The following LHX5 variants were observed in gnomAD, a reference collection of about 807,000 sequenced individuals.
LHX5 encodes the protein LIM homeobox 5.
A neutral mutation model predicts 30.6 loss-of-function variants in LHX5; 5 were observed. The observed-to-expected ratio is 0.16, with a 90% CI of 0.09 to 0.34. LHX5 has a LOEUF of 0.34. LHX5 is among the 10% of genes least tolerant of loss of function. The pLI, the probability that LHX5 is intolerant of heterozygous loss-of-function variation, is 1.00. For missense variants in LHX5, 458 were observed against 570.6 expected (o/e 0.80, Z 2.01); for synonymous variants, 266 against 252.6 (o/e 1.05, Z -0.50).
At chr12:113,468,488 C>G in intron 2 of LHX5, 84 bp from the exon 3 acceptor site, 1 of 1,453,924 alleles carries the variant, frequency 6.9e-7, no homozygotes, top group Middle Eastern at 2.1e-4. Flanking sequence ...TTCCCGCCGG[C>G]CCAAGCTACG....
chr12:113,470,695 CA>C (rs1191635119), intron 1 of LHX5, among the ~76,000 whole-genome samples: 1 of 152,218 alleles, frequency 6.6e-6, no homozygotes, highest in Non-Finnish European at 1.5e-5. Flanking sequence ...ACAGGGCCCA[CA>C]GGGGTAGGGG....
rs1474300661 is a variant in LHX5 at position 113,463,472 on chromosome 12, G to A, written c.927C>T (p.Asp309=). The A allele has an allele frequency of 1.9e-6, 3 of 1,565,470 alleles. No individual in the cohort carries two copies. The highest frequency in any genetic ancestry group is 2.6e-6 in the Non-Finnish European group (3 of 1,161,610). ...GPPSQAQSPA[D]SSFLAASGPG... ...GGCCAGAGGCCGCCAGGAAGCTGGA[G>A]TCGGCCGGGGACTGCGCCTGCGAAG... Residue 309 remains aspartate, a synonymous_variant, in exon 5 of 5, where the codon GAC becomes GAT. Coordinates refer to ENST00000261731, the MANE Select transcript of LHX5 (RefSeq NM_022363.3). This position sits in a 1 kb window ranked among gnomAD's most constrained non-coding sequence, Gnocchi z 6.7.
chr12:113,468,900 G>T (rs1195601770), intron 2 of LHX5, among the ~76,000 whole-genome samples: 2 of 152,222 alleles, frequency 1.3e-5, no homozygotes, highest in East Asian at 3.8e-4. Context: ...TTGGAGGAGG[G>T]TGAGGCAGAG....
rs1958231254 is a variant in LHX5 at position 113,469,105 on chromosome 12, G to T, written c.397+17C>A. 1.3e-6 allele frequency: 2 copies of T among 1,593,834 alleles called. No individual in the cohort carries two copies. The highest frequency in any genetic ancestry group is 1.1e-5 in the South Asian group (1 of 88,916). ...GGTGCTAAGGCCTAAGGCTAGTGAG[G>T]GGCCCAGGCTTCCTACCTGAGTTGA... On this transcript the variant is annotated intron_variant, in intron 2 of 4. Transcript: ENST00000261731.
At position 113,465,645 on chromosome 12, in the gene LHX5, G is replaced by A. The variant is rs957021037; in HGVS notation, c.841+1611C>T. On this transcript the variant is annotated intron_variant, in intron 4 of 4. Coordinates refer to ENST00000261731, the MANE Select transcript of LHX5 (RefSeq NM_022363.3). This position sits in a 1 kb window ranked among gnomAD's most constrained non-coding sequence, Gnocchi z 6.7. ...ATCCAGCGCGCAGGGAGAGGAGGCG[G>A]TGGGATAGGTCGGGGCGGGGGCGAA... is the stretch of plus-strand genomic sequence containing the variant. 4.6e-5 allele frequency among the ~76,000 whole-genome samples: 7 copies of A among 152,246 alleles called. No individual in the cohort carries two copies. Among genetic ancestry groups the A allele is most frequent in the Non-Finnish European group, 8.8e-5 (6 of 68,032 alleles).
Position 113,466,731 on chromosome 12 carries a change from C to G in LHX5, c.841+525G>C, listed in dbSNP as rs35998683. ...TGGAATGAATCCAGACCCCCATCCC[C>G]TCCCCTCACACTACCCTCCAGCGCT... On this transcript the variant is annotated intron_variant, in intron 4 of 4. Coordinates refer to ENST00000261731, the MANE Select transcript of LHX5 (RefSeq NM_022363.3). This position sits in a 1 kb window ranked among gnomAD's most constrained non-coding sequence, Gnocchi z 6.5. Among the ~76,000 whole-genome samples the G allele has an allele frequency of 0.02, 3,074 of 152,312 alleles. 38 individuals carry two copies. Among genetic ancestry groups the G allele is most frequent in the South Asian group, 0.046 (222 of 4,828 alleles).
chr12:113,463,153 C>G lies in LHX5; in HGVS notation c.*37G>C. On this transcript the variant is annotated 3_prime_UTR_variant, in exon 5 of 5. Transcript: ENST00000261731. The surrounding 1 kb of genome is among the most constrained non-coding windows in gnomAD (Gnocchi z 6.7). ...TTCAGGAGGCTGCTTCGGGGCGGGG[C>G]CCCCGGGGGCCGAGCGCGGGGGGCG... 2 of 1,450,810 alleles carry G rather than the reference C, an allele frequency of 1.4e-6. No homozygotes were observed. The highest frequency in any genetic ancestry group is 1.8e-6 in the Non-Finnish European group (2 of 1,111,116). The allele number at this position is 1,450,810 out of a possible 1,614,324, so 89.9% of individuals were successfully genotyped here.
At chr12:113,470,582 C>T (rs1028550342) in intron 1 of LHX5, among the ~76,000 whole-genome samples, 1 of 152,214 alleles carries the variant, frequency 6.6e-6, no homozygotes, top group South Asian at 2.1e-4. Context: ...AAAGCCGGCT[C>T]TGGGTGCCCA....
rs750682329 is a variant in LHX5 at position 113,467,468 on chromosome 12, T to TC, written c.676-48dup. 1.4e-5 allele frequency: 19 copies of TC among 1,387,804 alleles called. No individual in the cohort carries two copies. The highest frequency in any genetic ancestry group is 5.9e-5 in the African/African-American group (4 of 67,838). The allele number at this position is 1,387,804 out of a possible 1,614,324, so 86.0% of individuals were successfully genotyped here. A position where few individuals can be genotyped will look rare whatever the true frequency, so the allele number is the denominator to read the frequency against. On this transcript the variant is annotated intron_variant, in intron 3 of 4. Transcript: ENST00000261731. This position sits in a 1 kb window ranked among gnomAD's most constrained non-coding sequence, Gnocchi z 6.3. Reference sequence around the variant, plus strand: ...TGAACCCAGGATCAGGAGTGTCCTCTCCCCCCCTCTTCTCCCTTCCCTGAC... The same window carrying TC: ...TGAACCCAGGATCAGGAGTGTCCTCTCCCCCCCCTCTTCTCCCTTCCCTGAC...
rs551796792 is a variant in LHX5 at position 113,463,654 on chromosome 12, G to A, written c.842-97C>T. 26 of 1,315,104 alleles carry A rather than the reference G, an allele frequency of 2.0e-5. No individual in the cohort carries two copies. The African/African-American group carries it at 3.6e-4, about 18-fold the overall frequency. 81.5% of individuals were successfully genotyped at this position (1,315,104 alleles called of 1,614,324 possible). A position where few individuals can be genotyped will look rare whatever the true frequency, so the allele number is the denominator to read the frequency against. ...GGGGAGGGGACCCGGGCGGGCGAGA[G>A]AGGGGAGCGCGCGACACCGACCCAA... On this transcript the variant is annotated intron_variant, in intron 4 of 4. Coordinates refer to ENST00000261731, the MANE Select transcript of LHX5 (RefSeq NM_022363.3). The surrounding 1 kb of genome is among the most constrained non-coding windows in gnomAD (Gnocchi z 6.7).
In LHX5 at chr12:113,466,403, G is replaced by A. The variant is rs966060624; in HGVS notation, c.841+853C>T. ...TCCAGTGTGAGGGAAGTGAGAGGAG[G>A]AAAAGCTGAGGTGGCAAGGGGACAG... On this transcript the variant is annotated intron_variant, in intron 4 of 4. Coordinates refer to ENST00000261731, the MANE Select transcript of LHX5 (RefSeq NM_022363.3). This position sits in a 1 kb window ranked among gnomAD's most constrained non-coding sequence, Gnocchi z 6.5. Among the ~76,000 whole-genome samples the A allele has an allele frequency of 6.6e-6, 1 of 152,182 alleles. No individual in the cohort carries two copies. Among genetic ancestry groups the A allele is most frequent in the African/African-American group, 2.4e-5 (1 of 41,434 alleles).
At position 113,464,083 on chromosome 12, in the gene LHX5, G is replaced by A. The variant is rs375375275; in HGVS notation, c.842-526C>T. ...CCGCGGCTGAGACCCGAAAGCCCGA[G>A]ACATCGGAGGGTCGCGGAGGAGTCG... On this transcript the variant is annotated intron_variant, in intron 4 of 4. Coordinates refer to ENST00000261731, the MANE Select transcript of LHX5 (RefSeq NM_022363.3). This position sits in a 1 kb window ranked among gnomAD's most constrained non-coding sequence, Gnocchi z 6.2. Among the ~76,000 whole-genome samples, 12 of 152,196 alleles carry A rather than the reference G, an allele frequency of 7.9e-5. No individual in the cohort carries two copies. The highest frequency in any genetic ancestry group is 1.3e-4 in the Non-Finnish European group (9 of 68,032).
chr12:113,467,222 G>C lies in LHX5; in HGVS notation c.841+34C>G. 2 of 1,405,302 alleles carry C rather than the reference G, an allele frequency of 1.4e-6. No individual in the cohort carries two copies. The highest frequency in any genetic ancestry group is 1.5e-5 in the African/African-American group (1 of 68,512). 87.1% of individuals were successfully genotyped at this position (1,405,302 alleles called of 1,614,324 possible). On this transcript the variant is annotated intron_variant, in intron 4 of 4. Coordinates refer to ENST00000261731, the MANE Select transcript of LHX5 (RefSeq NM_022363.3). This position sits in a 1 kb window ranked among gnomAD's most constrained non-coding sequence, Gnocchi z 6.3. Reference sequence around the variant, plus strand: ...CGCCCTCAGCTCCCGGAATAGGACAGGTGCGGAACAGCGAATCCCGGGGCG... The same window carrying C: ...CGCCCTCAGCTCCCGGAATAGGACACGTGCGGAACAGCGAATCCCGGGGCG...
At position 113,464,517 on chromosome 12, in the gene LHX5, G is replaced by A. The variant is rs1368048824; in HGVS notation, c.842-960C>T. On this transcript the variant is annotated intron_variant, in intron 4 of 4. Transcript: ENST00000261731. The surrounding 1 kb of genome is among the most constrained non-coding windows in gnomAD (Gnocchi z 6.2). ...CAAGTACGGCCGCCGCGTCGATCCCGGTGAGACCATTTGTACCGGCCTAGC... is the reference window on the plus strand; with the variant it reads ...CAAGTACGGCCGCCGCGTCGATCCCAGTGAGACCATTTGTACCGGCCTAGC... Among the ~76,000 whole-genome samples the A allele has an allele frequency of 6.6e-6, 1 of 152,160 alleles. No individual in the cohort carries two copies. The highest frequency in any genetic ancestry group is 1.5e-5 in the Non-Finnish European group (1 of 68,020).
Position 113,468,255 on chromosome 12 carries a change from G to C in LHX5, c.547C>G (p.Pro183Ala). Residue 183 changes from proline (P) to alanine (A), a missense_variant, in exon 3 of 5, where the codon CCC becomes GCC. By Grantham distance (27) the Pro-to-Ala change is conservative (BLOSUM62 -1). This residue lies in a region of LHX5 where 25 missense variants were observed against 85.4 expected (regional missense o/e 0.29). Coordinates refer to ENST00000261731, the MANE Select transcript of LHX5 (RefSeq NM_022363.3). Reference protein sequence around the residue: ...EQNSGTKRRGPRTTIKAKQLE... With the variant: ...EQNSGTKRRGARTTIKAKQLE... Reference sequence around the variant, plus strand: ...TGCTTGGCCTTGATGGTGGTGCGGGGGCCGCGCCGCTTGGTGCCCGAGTTC... The same window carrying C: ...TGCTTGGCCTTGATGGTGGTGCGGGCGCCGCGCCGCTTGGTGCCCGAGTTC... 6.2e-7 allele frequency: 1 copy of C among 1,614,092 alleles called. No individual in the cohort carries two copies. Among genetic ancestry groups the C allele is most frequent in the Non-Finnish European group, 8.5e-7 (1 of 1,179,952 alleles).
At chr12:113,468,521 C>G (rs900106986) in intron 2 of LHX5, 117 bp from the exon 3 acceptor site, 2 of 1,285,454 alleles carry the variant, frequency 1.6e-6, no homozygotes, top group South Asian at 1.5e-5. Context: ...TACGGCCAGC[C>G]CCGCTGGATT....
chr12:113,466,443 A>C lies in LHX5; in HGVS notation c.841+813T>G, dbSNP rs528651784. Among the ~76,000 whole-genome samples, 2 of 152,302 alleles carry C rather than the reference A, an allele frequency of 1.3e-5. No individual in the cohort carries two copies. The highest frequency in any genetic ancestry group is 4.8e-5 in the African/African-American group (2 of 41,566). On this transcript the variant is annotated intron_variant, in intron 4 of 4. Transcript: ENST00000261731. This position sits in a 1 kb window ranked among gnomAD's most constrained non-coding sequence, Gnocchi z 6.5. ...CAAGGGGACAGCTCACCCCAGGCCCAAGCCTGGTACCACCATCTGAAGCCC... is the reference window on the plus strand; with the variant it reads ...CAAGGGGACAGCTCACCCCAGGCCCCAGCCTGGTACCACCATCTGAAGCCC...
chr12:113,466,310 C>T lies in LHX5; in HGVS notation c.841+946G>A, dbSNP rs1958215102. Among the ~76,000 whole-genome samples, 1 of 152,158 alleles carries T rather than the reference C, an allele frequency of 6.6e-6. No homozygotes were observed. Among genetic ancestry groups the T allele is most frequent in the Admixed American group, 6.5e-5 (1 of 15,288 alleles). On this transcript the variant is annotated intron_variant, in intron 4 of 4. Coordinates refer to ENST00000261731, the MANE Select transcript of LHX5 (RefSeq NM_022363.3). This position sits in a 1 kb window ranked among gnomAD's most constrained non-coding sequence, Gnocchi z 6.5. ...AGAACAGGACAGTGAGCTTGGTGAG[C>T]TCAAGCAATGCGGCTCAGGGTAAGG...
chr12:113,466,189 A>T lies in LHX5; in HGVS notation c.841+1067T>A, dbSNP rs1040533573. ...CCTGCGTTACAACTCAGAAGTGCAG[A>T]TGCCTCTCAGACATAGACAGTCCTG... On this transcript the variant is annotated intron_variant, in intron 4 of 4. Transcript: ENST00000261731. This position sits in a 1 kb window ranked among gnomAD's most constrained non-coding sequence, Gnocchi z 6.5. 6.6e-5 allele frequency among the ~76,000 whole-genome samples: 10 copies of T among 152,160 alleles called. No individual in the cohort carries two copies. The highest frequency in any genetic ancestry group is 2.4e-4 in the African/African-American group (10 of 41,424).
Sources: allele counts gnomAD v4.1 joint callset (sites outside exome capture counted in the v4.1 genomes callset), GRCh38; gene constraint gnomAD v4.1.1; regional missense constraint gnomAD v4.1.1; non-coding constraint Gnocchi (gnomAD v3.1); transcripts MANE v1.5; gene names NCBI Gene and HGNC (gene_info 2026-07-23, HGNC 2026-07-21).